Variants in FMN2 observed in about 807,000 individuals in gnomAD.
The protein encoded by FMN2 is formin-2.
In FMN2, 51 loss-of-function variants were observed where a neutral mutation model predicts 142.3. The observed-to-expected ratio is 0.36, with a 90% CI of 0.29 to 0.45. The LOEUF (loss-of-function observed/expected upper bound fraction) is 0.45, where lower values mean the gene tolerates loss of function less well. Among genes scored for constraint, FMN2 ranks in the 20% least tolerant of loss-of-function variants. The pLI is 1.00. For missense variants in FMN2, 1,936 were observed against 2,122.8 expected, an observed-to-expected ratio of 0.91 and a Z score of 1.73; for synonymous variants, 882 against 869.8, an observed-to-expected ratio of 1.01 and a Z score of -0.25.
At chr1:240,191,586 A>AAAACAGAG (rs1665702490) in intron 4 of FMN2, among the ~76,000 whole-genome samples, 1 of 152,242 alleles carries the variant, frequency 6.6e-6, no homozygotes, top group African/African-American at 2.4e-5. Flanking sequence ...TCTGTTTATT[A>AAAACAGAG]AAATCTTTGC....
At chr1:240,460,095 A>G (rs1676397148) in intron 16 of FMN2, among the ~76,000 whole-genome samples, 2 of 152,314 alleles carry the variant, frequency 1.3e-5, no homozygotes, top group South Asian at 4.1e-4. Flanking sequence ...CTCCGGATGA[A>G]TCTTACATGC....
At chr1:240,414,703 G>A (rs892818028) in intron 15 of FMN2, among the ~76,000 whole-genome samples, 11 of 152,186 alleles carry the variant, frequency 7.2e-5, no homozygotes, top group African/African-American at 2.6e-4. Context: ...ATTCACACTG[G>A]TATTATTTAC....
At chr1:240,330,779 A>T in intron 11 of FMN2, 30 bp downstream of exon 11, 1 of 1,601,234 alleles carries the variant, frequency 6.2e-7, no homozygotes, top group Non-Finnish European at 8.5e-7. Flanking sequence ...GGACGTAAGC[A>T]CATTGAGGAG....
intron 7 of FMN2, among the ~76,000 whole-genome samples, chr1:240,291,680 A>G (rs1669798765): frequency 6.6e-6 from 1 of 152,202 alleles, no homozygotes; most frequent in African/African-American, 2.4e-5. Flanking sequence ...TTTCACTCTA[A>G]TGGTTTATCA....
chr1:240,207,183 C>T lies in FMN2; in HGVS notation c.2371C>T (p.Pro791Ser), dbSNP rs1666390527. The change falls in exon 5 of 18, where the codon CCA (proline) becomes TCA (serine). Residue 791 changes from proline (P) to serine (S), a missense_variant. This residue lies in a region of FMN2 where 478 missense variants were observed against 462.8 expected (regional missense o/e 1.03). Coordinates refer to ENST00000319653, the MANE Select transcript of FMN2 (RefSeq NM_020066.5). ...FCSEISLIVSPRRISVQLDSH... is the reference protein window; with the variant it reads ...FCSEISLIVSSRRISVQLDSH... ...TTCAGAGATTTCTTTGATTGTGTCT[C>T]CAAGGCGAATATCAGTCCAGCTCGA... is the stretch of plus-strand genomic sequence containing the variant. 1.2e-6 allele frequency: 2 copies of T among 1,613,900 alleles called. No homozygotes were observed. Among genetic ancestry groups the T allele is most frequent in the African/African-American group, 1.3e-5 (1 of 74,878 alleles).
chr1:240,205,443 G>T (rs1007373288), intron 4 of FMN2, among the ~76,000 whole-genome samples: 1 of 150,012 alleles, frequency 6.7e-6, no homozygotes, highest in Admixed American at 6.7e-5. Flanking sequence ...CCTTAAGAAG[G>T]CAATGCTCTT....
At chr1:240,394,837 G>A (rs1397728243) in intron 15 of FMN2, among the ~76,000 whole-genome samples, 19 of 152,032 alleles carry the variant, frequency 1.2e-4, no homozygotes, top group Admixed American at 1.2e-3. Context: ...GCATGGTGGT[G>A]CATGCCTGTA....
intron 14 of FMN2, among the ~76,000 whole-genome samples, chr1:240,366,540 T>TA (rs1173348116): frequency 1.3e-5 from 2 of 151,762 alleles, no homozygotes; most frequent in East Asian, 3.9e-4. Context: ...TCTATCCTTT[T>TA]TTTTTTTTTT....
At chr1:240,330,975 A>G (rs1485779674) in intron 11 of FMN2, among the ~76,000 whole-genome samples, 2 of 152,202 alleles carry the variant, frequency 1.3e-5, no homozygotes, top group Non-Finnish European at 2.9e-5. Context: ...TATAATTACA[A>G]CTTTTTAATA....
intron 2 of FMN2, among the ~76,000 whole-genome samples, chr1:240,174,793 GT>G (rs1352579014): frequency 1.3e-5 from 2 of 152,070 alleles, no homozygotes; most frequent in Non-Finnish European, 2.9e-5. Context: ...TGCATTTACT[GT>G]TTTTAAAAAA....
intron 14 of FMN2, among the ~76,000 whole-genome samples, chr1:240,380,109 G>T (rs1057513393): frequency 2.0e-5 from 3 of 152,118 alleles, no homozygotes; most frequent in Non-Finnish European, 2.9e-5. Flanking sequence ...GGAACTCTGG[G>T]CTTAAACTGG....
At chr1:240,439,864 C>T (rs928506551) in intron 16 of FMN2, among the ~76,000 whole-genome samples, 1 of 152,126 alleles carries the variant, frequency 6.6e-6, no homozygotes, top group Non-Finnish European at 1.5e-5. Context: ...ACAGAACTTC[C>T]CTTCATGCCC....
intron 11 of FMN2, among the ~76,000 whole-genome samples, chr1:240,331,069 T>C (rs1671359066): frequency 6.6e-6 from 1 of 152,220 alleles, no homozygotes; most frequent in Non-Finnish European, 1.5e-5. Flanking sequence ...TGTCTGCTAA[T>C]ATTTATCCTT....
chr1:240,207,190 G>A lies in FMN2; in HGVS notation c.2378G>A (p.Arg793Gln), dbSNP rs748393494. 1.6e-5 allele frequency: 26 copies of A among 1,613,854 alleles called. No individual in the cohort carries two copies. The highest frequency in any genetic ancestry group is 2.7e-5 in the African/African-American group (2 of 74,864). The stretch of plus-strand genomic sequence containing the variant: ...ATTTCTTTGATTGTGTCTCCAAGGC[G>A]AATATCAGTCCAGCTCGACAGCCAT... ...SEISLIVSPR[R>Q]ISVQLDSHQP... Residue 793 changes from arginine (R) to glutamine (Q), a missense_variant, in exon 5 of 18, where the codon CGA (arginine) becomes CAA (glutamine). Coordinates refer to ENST00000319653, the MANE Select transcript of FMN2 (RefSeq NM_020066.5).
At chr1:240,202,175 A>G (rs1395677435) in intron 4 of FMN2, among the ~76,000 whole-genome samples, 2 of 152,196 alleles carry the variant, frequency 1.3e-5, no homozygotes, top group Non-Finnish European at 2.9e-5. Flanking sequence ...GTAAACGGGA[A>G]GGGGAGGATG....
intron 15 of FMN2, among the ~76,000 whole-genome samples, chr1:240,406,425 G>T (rs1674202244): frequency 6.6e-6 from 1 of 152,136 alleles, no homozygotes; most frequent in Non-Finnish European, 1.5e-5. Context: ...CTCCCCCATG[G>T]CGGCGTCTAG....
intron 1 of FMN2, among the ~76,000 whole-genome samples, chr1:240,108,109 G>A (rs1400997747): frequency 6.6e-6 from 1 of 152,204 alleles, no homozygotes; most frequent in Non-Finnish European, 1.5e-5. Context: ...TCCAGGGGTA[G>A]TAGAGTTTCA....
Position 240,475,025 on chromosome 1 carries a change from GTCCC to G in FMN2, c.*875_*878del, listed in dbSNP as rs1279315162. The G allele has an allele frequency of 1.3e-5, 2 of 152,432 alleles. No individual in the cohort carries two copies. The highest frequency in any genetic ancestry group is 4.8e-5 in the African/African-American group (2 of 41,360). 9.4% of individuals were successfully genotyped at this position (152,432 alleles called of 1,614,324 possible). ...TTTTGTAGTCTTCCTGTCCCCTTCA[GTCCC>G]TCCAGTGTGTATATTACCATTCTCC... On this transcript the variant is annotated 3_prime_UTR_variant, in exon 18 of 18. Coordinates refer to ENST00000319653, the MANE Select transcript of FMN2 (RefSeq NM_020066.5).
At chr1:240,431,402 T>TTATATATA (rs35500291) in intron 15 of FMN2, among the ~76,000 whole-genome samples, 104 of 139,196 alleles carry the variant, frequency 7.5e-4, no homozygotes, top group African/African-American at 2.7e-3. Context: ...CAACCATGTT[T>TTATATATA]TATATATATA....
Sources: gnomAD v4.1 joint callset for allele counts (sites outside exome capture counted in the v4.1 genomes callset) on GRCh38, gnomAD v4.1.1 for gene constraint, gnomAD v4.1.1 regional missense constraint, MANE v1.5 for transcripts, NCBI Gene and HGNC (gene_info 2026-07-23, HGNC 2026-07-21) for gene names.